The following DDR2 variants were observed in gnomAD, a reference collection of about 807,000 sequenced individuals.
DDR2 encodes the protein discoidin domain receptor tyrosine kinase 2, also known as discoidin domain-containing receptor 2.
Under a neutral mutation model 94.9 loss-of-function variants are expected in DDR2, and 27 were observed. The observed-to-expected ratio is 0.28, with a 90% CI of 0.21 to 0.39. The LOEUF (loss-of-function observed/expected upper bound fraction) is 0.39. DDR2 is among the 10% of genes least tolerant of loss of function. The pLI, the probability that DDR2 is intolerant of heterozygous loss-of-function variation, is 1.00. For missense variants in DDR2, 783 were observed against 1,076.0 expected (o/e 0.73, Z 3.81); for synonymous variants, 382 against 377.2 (o/e 1.01, Z -0.15).
At chr1:162,732,892 C>G (rs1293952428) in intron 3 of DDR2, among the ~76,000 whole-genome samples, 1 of 152,218 alleles carries the variant, frequency 6.6e-6, no homozygotes, top group Non-Finnish European at 1.5e-5. Flanking sequence ...TCTTGGGAAG[C>G]TGGGGACTGG....
At chr1:162,694,116 T>A (rs905422382) in intron 2 of DDR2, among the ~76,000 whole-genome samples, 1 of 152,142 alleles carries the variant, frequency 6.6e-6, no homozygotes, top group Non-Finnish European at 1.5e-5. Context: ...TTTGTCTCCA[T>A]CCCCTCCATT....
chr1:162,698,323 G>A, intron 2 of DDR2, among the ~76,000 whole-genome samples: 1 of 152,140 alleles, frequency 6.6e-6, no homozygotes, highest in Non-Finnish European at 1.5e-5. Flanking sequence ...TTAGCCTCTT[G>A]CTGTATGCAC....
intron 2 of DDR2, among the ~76,000 whole-genome samples, chr1:162,661,727 T>C (rs1471943612): frequency 2.6e-5 from 4 of 152,176 alleles, no homozygotes; most frequent in Non-Finnish European, 5.9e-5. Context: ...TCTGCTCTGC[T>C]CTGCAAGTCT....
At chr1:162,754,364 A>G (rs1260923850) in intron 4 of DDR2, among the ~76,000 whole-genome samples, 1 of 152,194 alleles carries the variant, frequency 6.6e-6, no homozygotes, top group South Asian at 2.1e-4. Context: ...ATGCTTCTAA[A>G]TCAGGATGGG....
At chr1:162,668,017 T>C (rs1479377017) in intron 2 of DDR2, among the ~76,000 whole-genome samples, 2 of 151,822 alleles carry the variant, frequency 1.3e-5, no homozygotes, top group Non-Finnish European at 2.9e-5. Context: ...TAAAGTGAGG[T>C]AGGGGGAGTG....
intron 3 of DDR2, among the ~76,000 whole-genome samples, chr1:162,746,920 G>A (rs1013685521): frequency 6.6e-6 from 1 of 152,310 alleles, no homozygotes. Context: ...CTGCAGATGA[G>A]GGTCCTGACT....
chr1:162,705,778 T>C (rs1219098057), intron 2 of DDR2, among the ~76,000 whole-genome samples: 1 of 152,184 alleles, frequency 6.6e-6, no homozygotes, highest in African/African-American at 2.4e-5. Context: ...TCTGGCTAAG[T>C]TTCTGCTTCT....
At chr1:162,726,919 G>A (rs943376655) in intron 3 of DDR2, among the ~76,000 whole-genome samples, 2 of 151,190 alleles carry the variant, frequency 1.3e-5, no homozygotes, top group South Asian at 2.1e-4. Flanking sequence ...AACTCTAGGG[G>A]CTTCAAGCCC....
chr1:162,781,477 G>T lies in DDR2; in HGVS notation c.*1231G>T, dbSNP rs943032308. 4.6e-5 allele frequency: 7 copies of T among 152,230 alleles called. No homozygotes were observed. Among genetic ancestry groups the T allele is most frequent in the African/African-American group, 1.4e-4 (6 of 41,440 alleles). 9.4% of individuals were successfully genotyped at this position (152,230 alleles called of 1,614,324 possible). A position where few individuals can be genotyped will look rare whatever the true frequency, so the allele number is the denominator to read the frequency against. On this transcript the variant is annotated 3_prime_UTR_variant, in exon 18 of 18. Coordinates refer to ENST00000367921, the MANE Select transcript of DDR2 (RefSeq NM_006182.4). ...TGAGGAGTCTCTTGTCACTGGAGAG[G>T]TTAAGATAGAGGCTCAAGAACAATG... is the stretch of plus-strand genomic sequence containing the variant.
chr1:162,677,358 A>G (rs151104882), intron 2 of DDR2, among the ~76,000 whole-genome samples: 5 of 152,306 alleles, frequency 3.3e-5, no homozygotes, highest in Non-Finnish European at 7.4e-5. Flanking sequence ...CAAGTACCCT[A>G]TATCTCCAGA....
chr1:162,755,315 G>A lies in DDR2; in HGVS notation c.565+12G>A, dbSNP rs768787889. 6.2e-7 allele frequency: 1 copy of A among 1,613,546 alleles called. No homozygotes were observed. On this transcript the variant is annotated intron_variant, in intron 6 of 17. Transcript: ENST00000367921. ...CTGTGTCTGGCTAGGTAGGTCACTAGCCCAGGAAGCCTATAGACTTTATTA... is the reference window on the plus strand; with the variant it reads ...CTGTGTCTGGCTAGGTAGGTCACTAACCCAGGAAGCCTATAGACTTTATTA...
At chr1:162,709,239 G>C (rs1660788532) in intron 2 of DDR2, among the ~76,000 whole-genome samples, 1 of 152,182 alleles carries the variant, frequency 6.6e-6, no homozygotes, top group African/African-American at 2.4e-5. Context: ...GAGTGCAGGG[G>C]CTCAGAGGGT....
chr1:162,779,491 C>T (rs911199933), intron 17 of DDR2, among the ~76,000 whole-genome samples: 3 of 152,146 alleles, frequency 2.0e-5, no homozygotes, highest in African/African-American at 7.2e-5. Flanking sequence ...AAAAGTGGAT[C>T]TTCTGTGGCT....
In DDR2 at chr1:162,718,983, C is replaced by T. The variant is rs566652802; in HGVS notation, c.-27-54C>T. On this transcript the variant is annotated intron_variant, in intron 2 of 17. Transcript: ENST00000367921. The stretch of plus-strand genomic sequence containing the variant: ...TCATTCATGTTGGCAGTATCTGCCT[C>T]ACTCATTTCCTCTCCTTCTCTTTCT... 29 of 1,549,356 alleles carry T rather than the reference C, an allele frequency of 1.9e-5. No homozygotes were observed. The East Asian group carries it at 5.6e-4, about 30-fold the overall frequency.
At chr1:162,684,688 A>T (rs1404707870) in intron 2 of DDR2, among the ~76,000 whole-genome samples, 1 of 152,110 alleles carries the variant, frequency 6.6e-6, no homozygotes, top group African/African-American at 2.4e-5. Context: ...GTGTGGGCAG[A>T]AAATTCTTAA....
At chr1:162,756,234 C>T (rs1247032943) in intron 7 of DDR2, among the ~76,000 whole-genome samples, 2 of 152,050 alleles carry the variant, frequency 1.3e-5, no homozygotes, top group Admixed American at 6.6e-5. Flanking sequence ...TTACAATAGA[C>T]AAGGAAAGTT....
chr1:162,635,559 G>A (rs984281244), intron 1 of DDR2, among the ~76,000 whole-genome samples: 1 of 152,112 alleles, frequency 6.6e-6, no homozygotes, highest in Admixed American at 6.6e-5. Context: ...CAGACACACT[G>A]GACTCTTTAT....
intron 3 of DDR2, among the ~76,000 whole-genome samples, chr1:162,728,853 G>T (rs1028973946): frequency 3.3e-5 from 5 of 152,022 alleles, no homozygotes; most frequent in Non-Finnish European, 5.9e-5. Context: ...CTAGATTCTA[G>T]TTCCAGCTCT....
intron 2 of DDR2, among the ~76,000 whole-genome samples, chr1:162,715,089 C>A (rs1009252408): frequency 6.6e-6 from 1 of 152,138 alleles, no homozygotes; most frequent in Non-Finnish European, 1.5e-5. Flanking sequence ...ATTCTGCTCA[C>A]AATAAGCTTT....
Sources: gnomAD v4.1 joint callset for allele counts (sites outside exome capture counted in the v4.1 genomes callset) on GRCh38, gnomAD v4.1.1 for gene constraint, MANE v1.5 for transcripts, NCBI Gene and HGNC (gene_info 2026-07-23, HGNC 2026-07-21) for gene names.